The following OPCML variants were observed in gnomAD, a reference collection of about 807,000 sequenced individuals.
OPCML encodes the protein opioid binding protein/cell adhesion molecule like.
A neutral mutation model predicts 37.8 loss-of-function variants in OPCML; 13 were observed. That is an observed-to-expected ratio of 0.34 (90% CI 0.22 to 0.55). OPCML has a LOEUF of 0.55. Ranked by LOEUF, OPCML falls within the 20% of genes least tolerant of loss-of-function variation. The pLI is 0.91. For synonymous variants in OPCML, 176 were observed against 168.8 expected, an observed-to-expected ratio of 1.04 and a Z score of -0.33; for missense variants, 341 against 435.6, an observed-to-expected ratio of 0.78 and a Z score of 1.93.
intron 7 of OPCML, among the ~76,000 whole-genome samples, chr11:132,430,470 A>C (rs1487777995): frequency 6.6e-6 from 1 of 152,218 alleles, no homozygotes; most frequent in East Asian, 1.9e-4. Context: ...TTCTAGAAGA[A>C]TGGCCATTAG....
At chr11:132,807,834 A>G (rs1201251211) in intron 2 of OPCML, among the ~76,000 whole-genome samples, 1 of 152,230 alleles carries the variant, frequency 6.6e-6, no homozygotes, top group Non-Finnish European at 1.5e-5. Flanking sequence ...TCTATCATTC[A>G]TTCAAGGATG....
intron 2 of OPCML, among the ~76,000 whole-genome samples, chr11:132,740,472 T>G (rs1379561995): frequency 1.3e-5 from 2 of 152,222 alleles, no homozygotes; most frequent in African/African-American, 2.4e-5. Flanking sequence ...GTTAAGTTAT[T>G]CTGCCCTGAG....
At chr11:132,592,652 T>C (rs1257894058) in intron 3 of OPCML, among the ~76,000 whole-genome samples, 1 of 152,210 alleles carries the variant, frequency 6.6e-6, no homozygotes. Context: ...GCTTAAGCTT[T>C]CTGAGCACAA....
chr11:132,494,764 A>T (rs1335858439), intron 4 of OPCML, among the ~76,000 whole-genome samples: 1 of 152,228 alleles, frequency 6.6e-6, no homozygotes, highest in Non-Finnish European at 1.5e-5. Flanking sequence ...AAAACTGAAC[A>T]TTTGTTGCAG....
intron 3 of OPCML, among the ~76,000 whole-genome samples, chr11:132,562,949 T>C (rs1454965583): frequency 1.3e-5 from 2 of 152,130 alleles, no homozygotes; most frequent in East Asian, 1.9e-4. Flanking sequence ...CAAGTGTAGA[T>C]AGAGGTCAGT....
intron 2 of OPCML, among the ~76,000 whole-genome samples, chr11:132,766,087 A>G (rs1946433936): frequency 7.8e-6 from 1 of 127,458 alleles, no homozygotes; most frequent in Non-Finnish European, 1.6e-5. Flanking sequence ...TCATGGTCCC[A>G]TGCTTATAAT....
At chr11:133,034,308 G>GGTGTGTGTGTGTGTGTGTGTGTGT (rs71038514) in intron 1 of OPCML, among the ~76,000 whole-genome samples, 9 of 143,536 alleles carry the variant, frequency 6.3e-5, no homozygotes, top group East Asian at 2.0e-4. Flanking sequence ...TGTATGTATA[G>GGTGTGTGTGTGTGTGTGTGTGTGT]GTGTGTGTGT....
chr11:133,348,955 G>T (rs1944065269), intron 1 of OPCML, among the ~76,000 whole-genome samples: 1 of 152,202 alleles, frequency 6.6e-6, no homozygotes, highest in Non-Finnish European at 1.5e-5. Flanking sequence ...AGGATTCAGC[G>T]TGCAGGCCTG....
chr11:133,425,233 C>A (rs116638133), intron 1 of OPCML, among the ~76,000 whole-genome samples: 2 of 152,194 alleles, frequency 1.3e-5, no homozygotes, highest in Admixed American at 6.5e-5. Flanking sequence ...CTGCCTTAAA[C>A]GAGACCCCTC....
intron 1 of OPCML, among the ~76,000 whole-genome samples, chr11:133,183,471 G>C (rs1218217276): frequency 6.6e-6 from 1 of 152,190 alleles, no homozygotes; most frequent in Admixed American, 6.5e-5. Flanking sequence ...GACTTTGCTA[G>C]TATTACTGAA....
intron 1 of OPCML, among the ~76,000 whole-genome samples, chr11:133,283,752 C>A (rs1398474923): frequency 6.6e-6 from 1 of 152,050 alleles, no homozygotes; most frequent in African/African-American, 2.4e-5. Flanking sequence ...GGAATAGGCC[C>A]CGGTATATGA....
intron 1 of OPCML, among the ~76,000 whole-genome samples, chr11:133,505,788 C>T (rs992956092): frequency 1.4e-4 from 22 of 152,234 alleles, no homozygotes; most frequent in Admixed American, 5.9e-4. Flanking sequence ...CCGCTTCCTT[C>T]CTCTCTGCCT....
chr11:132,511,002 A>G (rs556739030), intron 4 of OPCML, among the ~76,000 whole-genome samples: 39 of 152,292 alleles, frequency 2.6e-4, no homozygotes, highest in Admixed American at 2.6e-4. Flanking sequence ...AATTAATAAG[A>G]GGCATACTGA....
intron 2 of OPCML, among the ~76,000 whole-genome samples, chr11:132,838,875 C>G (rs1225598173): frequency 1.3e-5 from 2 of 152,068 alleles, no homozygotes; most frequent in African/African-American, 4.8e-5. Flanking sequence ...ACTGAGCACC[C>G]CCGAAGATGG....
intron 1 of OPCML, among the ~76,000 whole-genome samples, chr11:133,075,236 T>C (rs1177847663): frequency 6.6e-6 from 1 of 152,208 alleles, no homozygotes; most frequent in Non-Finnish European, 1.5e-5. Flanking sequence ...TTCTATGGCA[T>C]TGTCAGGAAT....
At chr11:133,014,893 C>T (rs1009041185) in intron 1 of OPCML, among the ~76,000 whole-genome samples, 11 of 152,160 alleles carry the variant, frequency 7.2e-5, no homozygotes, top group Middle Eastern at 3.2e-3. Context: ...ATTAAGAGAA[C>T]TCTTGCATAA....
At chr11:133,154,219 TAAAA>T (rs35932575) in intron 1 of OPCML, among the ~76,000 whole-genome samples, 1 of 144,486 alleles carries the variant, frequency 6.9e-6, no homozygotes, top group African/African-American at 2.5e-5. Context: ...TGCTTCTGAT[TAAAA>T]AAAAAAAAAA....
chr11:133,199,893 C>T (rs957677368), intron 1 of OPCML, among the ~76,000 whole-genome samples: 1 of 152,184 alleles, frequency 6.6e-6, no homozygotes, highest in Non-Finnish European at 1.5e-5. Flanking sequence ...AAAACTCTAA[C>T]AGCCAGTAGA....
chr11:133,163,766 T>C (rs1031168253), intron 1 of OPCML, among the ~76,000 whole-genome samples: 6 of 152,218 alleles, frequency 3.9e-5, no homozygotes, highest in South Asian at 2.1e-4. Flanking sequence ...TCTCCTTTAA[T>C]TCCGCTATAA....
Sources: allele counts gnomAD v4.1 joint callset (sites outside exome capture counted in the v4.1 genomes callset), GRCh38; gene constraint gnomAD v4.1.1; transcripts MANE v1.5; gene names NCBI Gene and HGNC (gene_info 2026-07-23, HGNC 2026-07-21).